LRIG1: variants seen among roughly 807,000 people sequenced by gnomAD.
LRIG1 encodes leucine-rich repeats and immunoglobulin-like domains protein 1.
LRIG1 carries 48 observed loss-of-function variants against 99.2 expected under a neutral mutation model. That is an observed-to-expected ratio of 0.48 (90% CI 0.38 to 0.62). The LOEUF (loss-of-function observed/expected upper bound fraction) is 0.62. Ranked by LOEUF, LRIG1 falls within the 20% of genes least tolerant of loss-of-function variation. The pLI is 0.00. For synonymous variants in LRIG1, 772 were observed against 596.1 expected, an observed-to-expected ratio of 1.29 and a Z score of -4.30; for missense variants, 1,646 against 1,434.4, an observed-to-expected ratio of 1.15 and a Z score of -2.38.
At chr3:66,451,457 C>T (rs188920300) in intron 3 of LRIG1, 102 bp downstream of exon 3, 34 of 872,860 alleles carry the variant, frequency 3.9e-5, no homozygotes, top group African/African-American at 3.4e-5. Flanking sequence ...TCTTCACCAG[C>T]GAGCACATGA....
chr3:66,439,666 AAG>A (rs1436850753), intron 3 of LRIG1, among the ~76,000 whole-genome samples: 20 of 152,264 alleles, frequency 1.3e-4, no homozygotes, highest in African/African-American at 4.8e-4. Context: ...TTTTACTATA[AAG>A]AGAGTTTTTT....
chr3:66,380,922 A>C, intron 17 of LRIG1, 61 bp from the exon 18 acceptor site: 2 of 1,553,092 alleles, frequency 1.3e-6, no homozygotes. Flanking sequence ...GTCCCCACAC[A>C]GAGGACAGGC....
At chr3:66,382,915 G>C (rs1701166111) in intron 15 of LRIG1, 67 bp downstream of exon 15, 3 of 1,457,240 alleles carry the variant, frequency 2.1e-6, no homozygotes, top group African/African-American at 1.4e-5. Context: ...CTGGAACCCG[G>C]CCCAGTTCCC....
In LRIG1 at chr3:66,379,159, C is replaced by T. The variant is rs1700876351; in HGVS notation, c.*1104G>A. 6.6e-6 allele frequency: 1 copy of T among 152,644 alleles called. No individual in the cohort carries two copies. Among genetic ancestry groups the T allele is most frequent in the Non-Finnish European group, 1.5e-5 (1 of 68,048 alleles). The allele number at this position is 152,644 out of a possible 1,614,324, so 9.5% of individuals were successfully genotyped here. A position where few individuals can be genotyped will look rare whatever the true frequency, so the allele number is the denominator to read the frequency against. On this transcript the variant is annotated 3_prime_UTR_variant, in exon 19 of 19. Transcript: ENST00000273261. Reference sequence around the variant, plus strand: ...TAAGTTTTACTAAATGACACATTGGCACTCATAAGATGGTTAGCTACCAGT... The same window carrying T: ...TAAGTTTTACTAAATGACACATTGGTACTCATAAGATGGTTAGCTACCAGT...
intron 12 of LRIG1, among the ~76,000 whole-genome samples, chr3:66,388,660 C>G (rs1417616815): frequency 6.6e-6 from 1 of 152,068 alleles, no homozygotes; most frequent in Non-Finnish European, 1.5e-5. Flanking sequence ...CGGCTGATTT[C>G]TTACCAGAAC....
Position 66,381,491 on chromosome 3 carries a change from G to A in LRIG1, c.2758C>T (p.Pro920Ser). The change falls in exon 17 of 19, where the codon CCA becomes TCA. Residue 920 changes from proline to serine, a missense_variant. Physicochemically the swap from Pro to Ser is moderately conservative, Grantham distance 74. Transcript: ENST00000273261. ...AAGCATCTCATACCCATCTTATGTG[G>A]CCCAGGTGTCCCTTCAGCTTTCTCC... ...AMEKAEGTPG[P>S]HKMEHGGRVV... is the part of the protein sequence containing the mutation. 1 of 1,613,404 alleles carries A rather than the reference G, an allele frequency of 6.2e-7. No individual in the cohort carries two copies. Among genetic ancestry groups the A allele is most frequent in the Non-Finnish European group, 8.5e-7 (1 of 1,179,430 alleles).
At chr3:66,463,879 C>G (rs969363401) in intron 1 of LRIG1, among the ~76,000 whole-genome samples, 4 of 152,194 alleles carry the variant, frequency 2.6e-5, no homozygotes, top group African/African-American at 9.6e-5. Context: ...AAAAGTCAAA[C>G]TACACTTGAA....
intron 6 of LRIG1, among the ~76,000 whole-genome samples, chr3:66,410,959 G>A (rs1022047498): frequency 1.3e-5 from 2 of 152,204 alleles, no homozygotes; most frequent in Non-Finnish European, 2.9e-5. Flanking sequence ...TTTAGCTCTG[G>A]CGTCAGACTA....
At chr3:66,444,384 G>A (rs372861251) in intron 3 of LRIG1, among the ~76,000 whole-genome samples, 1 of 152,050 alleles carries the variant, frequency 6.6e-6, no homozygotes, top group Admixed American at 6.5e-5. Context: ...CTGCCCCAGA[G>A]CCTTTCTCAG....
At chr3:66,466,499 A>T (rs1700476794) in intron 1 of LRIG1, among the ~76,000 whole-genome samples, 1 of 152,134 alleles carries the variant, frequency 6.6e-6, no homozygotes, top group African/African-American at 2.4e-5. Context: ...CCAAATTTTT[A>T]AAATTACTTA....
chr3:66,408,964 T>TGTGTGTGTGTGTGTGTGTGTGTGTGGG (rs1575668634), intron 7 of LRIG1, among the ~76,000 whole-genome samples: 1 of 17,334 alleles, frequency 5.8e-5, no homozygotes, highest in African/African-American at 2.7e-4. Flanking sequence ...GTGTGTGTGG[T>TGTGTGTGTGTGTGTGTGTGTGTGTGGG]GGGGGGAGGG....
At chr3:66,405,957 A>C in intron 8 of LRIG1, 3 of 997,428 alleles carry the variant, frequency 3.0e-6, no homozygotes, top group Non-Finnish European at 3.6e-6. Context: ...TTCCAGGAGC[A>C]GGTCACAGTG....
chr3:66,457,340 T>C lies in LRIG1; in HGVS notation c.290+5098A>G, dbSNP rs371168216. 1.1e-4 allele frequency among the ~76,000 whole-genome samples: 16 copies of C among 150,722 alleles called. No individual in the cohort carries two copies. The East Asian group carries it at 3.0e-3, about 28-fold the overall frequency. On this transcript the variant is annotated intron_variant, in intron 2 of 18. Coordinates refer to ENST00000273261, the MANE Select transcript of LRIG1 (RefSeq NM_015541.3). ...GTCTCCACGACTTTTTAGAATTCCC[T>C]TAGGGTAAGGCCTGGGTCTTTTATC...
At chr3:66,451,046 G>C (rs1225687202) in intron 3 of LRIG1, among the ~76,000 whole-genome samples, 1 of 152,158 alleles carries the variant, frequency 6.6e-6, no homozygotes, top group Non-Finnish European at 1.5e-5. Flanking sequence ...CATTTCCAGT[G>C]TGCTGTCTAG....
At chr3:66,474,573 T>C (rs957009057) in intron 1 of LRIG1, among the ~76,000 whole-genome samples, 30 of 152,280 alleles carry the variant, frequency 2.0e-4, no homozygotes, top group African/African-American at 7.0e-4. Context: ...CTTGAACTCC[T>C]GACCTCAGGT....
intron 8 of LRIG1, chr3:66,405,944 A>T: frequency 1.0e-6 from 1 of 997,504 alleles, no homozygotes; most frequent in Non-Finnish European, 1.2e-6. Flanking sequence ...ATGGCTTCCC[A>T]GCTTCCAGGA....
At chr3:66,480,924 T>C (rs1700836668) in intron 1 of LRIG1, among the ~76,000 whole-genome samples, 1 of 152,242 alleles carries the variant, frequency 6.6e-6, no homozygotes, top group Non-Finnish European at 1.5e-5. Flanking sequence ...AACCCTTTTC[T>C]GTGGTTGGGG....
chr3:66,384,195 T>C lies in LRIG1; in HGVS notation c.1867A>G (p.Thr623Ala), dbSNP rs777228187. ...GCAATCTGAGGGTTTGGGTGACCTG[T>C]GGCAGCACATTCGAGGCGGGCCATG... is the stretch of plus-strand genomic sequence containing the variant. ...TTMARLECAA[T>A]GHPNPQIAWQ... Residue 623 changes from threonine (T) to alanine (A), a missense_variant, in exon 14 of 19, where the codon ACA becomes GCA. Transcript: ENST00000273261. 2 of 1,614,158 alleles carry C rather than the reference T, an allele frequency of 1.2e-6. No individual in the cohort carries two copies. The highest frequency in any genetic ancestry group is 2.2e-5 in the South Asian group (2 of 91,080).
chr3:66,382,097 G>A (rs915608566), intron 16 of LRIG1, among the ~76,000 whole-genome samples, 176 bp downstream of exon 16: 1 of 152,164 alleles, frequency 6.6e-6, no homozygotes, highest in Non-Finnish European at 1.5e-5. Flanking sequence ...TTAAAACCTT[G>A]CAGAACTCAT....
Sources: gnomAD v4.1 joint callset for allele counts (sites outside exome capture counted in the v4.1 genomes callset) on GRCh38, gnomAD v4.1.1 for gene constraint, MANE v1.5 for transcripts, NCBI Gene and HGNC (gene_info 2026-07-23, HGNC 2026-07-21) for gene names.